KDM2A: variants seen among roughly 807,000 people sequenced by gnomAD.
KDM2A encodes lysine-specific demethylase 2A.
In KDM2A, 3 loss-of-function variants were observed where a neutral mutation model predicts 137.3. That is an observed-to-expected ratio of 0.02 (90% CI 0.01 to 0.06). KDM2A has a LOEUF of 0.06. KDM2A is among the 10% of genes least tolerant of loss of function. The pLI is 1.00. For missense variants in KDM2A, 738 were observed against 1,510.6 expected (o/e 0.49, Z 8.48); for synonymous variants, 512 against 541.5 (o/e 0.95, Z 0.76).
At chr11:67,133,130 A>G (rs1301476084) in intron 2 of KDM2A, among the ~76,000 whole-genome samples, 1 of 151,874 alleles carries the variant, frequency 6.6e-6, no homozygotes, top group Non-Finnish European at 1.5e-5. Context: ...AGGGAGTTTC[A>G]CTCTTGTTGG....
chr11:67,211,421 C>T (rs7478885), intron 6 of KDM2A, among the ~76,000 whole-genome samples: 241 of 151,802 alleles, frequency 1.6e-3, no homozygotes, highest in African/African-American at 5.6e-3. Context: ...CAAAACCAGC[C>T]TGGCCAACAT....
chr11:67,178,906 G>C (rs148898864), intron 2 of KDM2A, among the ~76,000 whole-genome samples: 3 of 152,190 alleles, frequency 2.0e-5, no homozygotes, highest in East Asian at 3.9e-4. Context: ...CAGTTCTTTG[G>C]GTTATATACC....
intron 2 of KDM2A, among the ~76,000 whole-genome samples, chr11:67,137,237 A>G (rs1210296320): frequency 6.6e-6 from 1 of 152,222 alleles, no homozygotes; most frequent in African/African-American, 2.4e-5. Context: ...TTGACAAGGT[A>G]GACAGGTCAG....
Position 67,250,338 on chromosome 11 carries a change from C to G in KDM2A, c.2308C>G (p.Arg770Gly). 1.2e-6 allele frequency: 2 copies of G among 1,613,912 alleles called. No homozygotes were observed. Among genetic ancestry groups the G allele is most frequent in the Non-Finnish European group, 1.7e-6 (2 of 1,179,884 alleles). Residue 770 changes from arginine (R) to glycine (G), a missense_variant, in exon 17 of 21, where the codon CGC (arginine) becomes GGC (glycine). This residue lies in a region of KDM2A where 244 missense variants were observed against 324.6 expected (regional missense o/e 0.75). Transcript: ENST00000529006. The surrounding 1 kb of genome is among the most constrained non-coding windows in gnomAD (Gnocchi z 7.1). Reference protein sequence around the residue: ...RQLLRLQATERTMVREKENNP... With the variant: ...RQLLRLQATEGTMVREKENNP... ...GTTGCTGCGGCTGCAGGCCACAGAG[C>G]GCACCATGGTACGGGAAAAGGAGAA...
chr11:67,245,449 G>A lies in KDM2A; in HGVS notation c.1824G>A (p.Gln608=). ...GRMKQSCVLR[Q]CLAPRLPHSV... ...TGAAGCAGTCCTGTGTCCTCCGACA[G>A]TGCTTGGCAGTGAGTGATCTGCTGG... is the stretch of plus-strand genomic sequence containing the variant. The change falls in exon 14 of 21, where the codon CAG becomes CAA. Residue 608 remains glutamine (Q), a synonymous_variant. Transcript: ENST00000529006. This position sits in a 1 kb window ranked among gnomAD's most constrained non-coding sequence, Gnocchi z 4.1. 1.9e-6 allele frequency: 3 copies of A among 1,613,200 alleles called. No homozygotes were observed. The highest frequency in any genetic ancestry group is 2.5e-6 in the Non-Finnish European group (3 of 1,179,652).
intron 5 of KDM2A, chr11:67,197,095 G>A (rs963658956): frequency 2.6e-5 from 4 of 152,156 alleles, no homozygotes; most frequent in African/African-American, 9.7e-5. Context: ...ATAAACCCAA[G>A]GGTGAACACA....
chr11:67,147,471 G>A (rs1397004495), intron 2 of KDM2A, among the ~76,000 whole-genome samples: 2 of 151,612 alleles, frequency 1.3e-5, no homozygotes, highest in Non-Finnish European at 2.9e-5. Context: ...GAACCTGGGA[G>A]GTGGAGCTTG....
intron 2 of KDM2A, among the ~76,000 whole-genome samples, chr11:67,133,876 T>C (rs1212589191): frequency 6.6e-6 from 1 of 151,108 alleles, no homozygotes; most frequent in African/African-American, 2.4e-5. Context: ...GTATTTTTAG[T>C]AGAGACAGGG....
At chr11:67,214,200 G>A (rs375601261) in intron 6 of KDM2A, among the ~76,000 whole-genome samples, 1,353 of 40,478 alleles carry the variant, frequency 0.033, 18 homozygotes, top group Middle Eastern at 0.11. Flanking sequence ...GCCACCATGC[G>A]CAGCTAATTT....
intron 5 of KDM2A, among the ~76,000 whole-genome samples, chr11:67,193,277 A>C (rs1310546325): frequency 6.6e-6 from 1 of 152,228 alleles, no homozygotes; most frequent in Admixed American, 6.5e-5. Flanking sequence ...GGCGTGAGCC[A>C]CCGCACCTGG....
intron 5 of KDM2A, among the ~76,000 whole-genome samples, chr11:67,201,923 C>G (rs1373056282): frequency 1.3e-5 from 2 of 151,798 alleles, no homozygotes; most frequent in Non-Finnish European, 2.9e-5. Context: ...CCACTCTATT[C>G]CAGCCTGGGC....
intron 2 of KDM2A, among the ~76,000 whole-genome samples, chr11:67,152,940 G>A (rs1434979175): frequency 1.5e-5 from 2 of 135,926 alleles, no homozygotes; most frequent in African/African-American, 3.3e-5. Flanking sequence ...GTGTGTGTGT[G>A]TGTGTGTGTG....
intron 5 of KDM2A, among the ~76,000 whole-genome samples, chr11:67,185,492 G>T (rs964133209): frequency 6.6e-6 from 1 of 152,034 alleles, no homozygotes; most frequent in Admixed American, 6.6e-5. Context: ...AACTGGGCAT[G>T]GTGGTGGGCC....
intron 16 of KDM2A, among the ~76,000 whole-genome samples, chr11:67,249,518 A>C (rs527615907): frequency 6.6e-6 from 1 of 152,340 alleles, no homozygotes; most frequent in African/African-American, 2.4e-5. Flanking sequence ...CTCCAGGAAA[A>C]GACAAGTATC....
At chr11:67,129,458 G>T (rs1448700498) in intron 2 of KDM2A, among the ~76,000 whole-genome samples, 1 of 152,018 alleles carries the variant, frequency 6.6e-6, no homozygotes, top group Admixed American at 6.6e-5. Context: ...GCATAGGCCG[G>T]GCGCGGTGGC....
intron 2 of KDM2A, among the ~76,000 whole-genome samples, chr11:67,151,653 C>G (rs1368218259): frequency 6.6e-6 from 1 of 152,098 alleles, no homozygotes. Flanking sequence ...GACCCGGCCT[C>G]AAATCCTGAA....
chr11:67,217,558 A>C (rs1048260310), intron 8 of KDM2A, 173 bp from the exon 9 acceptor site: 1 of 622,470 alleles, frequency 1.6e-6, no homozygotes, highest in Non-Finnish European at 2.8e-6. Context: ...GATAAGAAAG[A>C]TCTACTGCCT....
intron 2 of KDM2A, among the ~76,000 whole-genome samples, chr11:67,125,420 A>G (rs1412673332): frequency 1.3e-5 from 2 of 151,828 alleles, no homozygotes; most frequent in African/African-American, 4.8e-5. Flanking sequence ...GGCTCAAACG[A>G]TCTGCCCGCC....
chr11:67,190,605 C>T (rs1450965939), intron 5 of KDM2A, among the ~76,000 whole-genome samples: 1 of 150,980 alleles, frequency 6.6e-6, no homozygotes, highest in African/African-American at 2.4e-5. Flanking sequence ...ACTGAAAATA[C>T]AAAAACTGAG....
Sources: gnomAD v4.1 joint callset for allele counts (sites outside exome capture counted in the v4.1 genomes callset) on GRCh38, gnomAD v4.1.1 for gene constraint, gnomAD v4.1.1 regional missense constraint, Gnocchi (gnomAD v3.1) non-coding constraint, MANE v1.5 for transcripts, NCBI Gene and HGNC (gene_info 2026-07-23, HGNC 2026-07-21) for gene names.